The following FER variants were observed in gnomAD, a reference collection of about 807,000 sequenced individuals.
FER encodes the protein FER tyrosine kinase.
Under a neutral mutation model 111.0 loss-of-function variants are expected in FER, and 63 were observed. That is an observed-to-expected ratio of 0.57 (90% CI 0.46 to 0.70). FER has a LOEUF of 0.70. FER is among the 30% of genes least tolerant of loss of function. The pLI is 0.00. For synonymous variants in FER, 327 were observed against 313.9 expected, an observed-to-expected ratio of 1.04 and a Z score of -0.44; for missense variants, 914 against 954.0, an observed-to-expected ratio of 0.96 and a Z score of 0.55.
chr5:109,163,348 T>C (rs932411555), intron 17 of FER, among the ~76,000 whole-genome samples: 1 of 152,152 alleles, frequency 6.6e-6, no homozygotes, highest in African/African-American at 2.4e-5. Flanking sequence ...CTGCTCTGAA[T>C]AGTCATATGT....
intron 10 of FER, among the ~76,000 whole-genome samples, chr5:108,927,020 T>C (rs1247239389): frequency 6.6e-6 from 1 of 152,176 alleles, no homozygotes; most frequent in Admixed American, 6.5e-5. Context: ...AAGCTGCTTT[T>C]CTGGGTCATC....
intron 2 of FER, chr5:108,785,351 G>C: frequency 1.7e-6 from 1 of 577,966 alleles, no homozygotes; most frequent in Non-Finnish European, 3.4e-6. Context: ...CTGGCTCTGT[G>C]CTGCCATGGG....
intron 1 of FER, among the ~76,000 whole-genome samples, chr5:108,765,932 ATT>A (rs759888534): frequency 9.7e-5 from 14 of 144,562 alleles, no homozygotes; most frequent in Admixed American, 1.4e-4. Context: ...TCATGACTGA[ATT>A]TTTTTTTTTT....
intron 5 of FER, among the ~76,000 whole-genome samples, chr5:108,837,685 A>T (rs1279373014): frequency 6.6e-6 from 1 of 152,170 alleles, no homozygotes; most frequent in Non-Finnish European, 1.5e-5. Flanking sequence ...TTATTTTTTT[A>T]AAAGCAAAAT....
At chr5:109,176,302 TA>T (rs1258388637) in intron 17 of FER, among the ~76,000 whole-genome samples, 2 of 152,130 alleles carry the variant, frequency 1.3e-5, no homozygotes, top group African/African-American at 4.8e-5. Context: ...TTTACCTGTT[TA>T]AAAAGAATGA....
chr5:108,820,651 C>T (rs1328696041), intron 3 of FER: 2 of 487,304 alleles, frequency 4.1e-6, no homozygotes, highest in Admixed American at 6.4e-5. Flanking sequence ...TGGACCGTAA[C>T]TGAGCTAATG....
chr5:109,133,962 C>T (rs1045792067), intron 17 of FER, among the ~76,000 whole-genome samples: 8 of 151,910 alleles, frequency 5.3e-5, no homozygotes, highest in South Asian at 4.1e-4. Flanking sequence ...TAATTATTGA[C>T]GATAGCTGAA....
At chr5:108,856,553 C>A (rs770672780) in intron 5 of FER, among the ~76,000 whole-genome samples, 1 of 152,140 alleles carries the variant, frequency 6.6e-6, no homozygotes, top group Non-Finnish European at 1.5e-5. Flanking sequence ...ATTTTTGATA[C>A]AGTCATATCC....
chr5:108,902,939 G>A (rs1206371482), intron 10 of FER, among the ~76,000 whole-genome samples: 3 of 151,186 alleles, frequency 2.0e-5, no homozygotes, highest in Non-Finnish European at 4.4e-5. Context: ...TAAGAGACAT[G>A]TTCTTCATTC....
intron 13 of FER, among the ~76,000 whole-genome samples, chr5:108,985,393 G>C (rs1375987727): frequency 6.6e-6 from 1 of 151,946 alleles, no homozygotes; most frequent in Non-Finnish European, 1.5e-5. Flanking sequence ...TAACCTGATA[G>C]TCACTATTTG....
chr5:109,187,088 A>G (rs911978548), intron 19 of FER, among the ~76,000 whole-genome samples: 1 of 152,242 alleles, frequency 6.6e-6, no homozygotes, highest in African/African-American at 2.4e-5. Context: ...TCTTCTCTTC[A>G]TCTTGAAAAA....
intron 16 of FER, chr5:109,052,202 A>C: frequency 6.2e-7 from 1 of 1,607,926 alleles, no homozygotes; most frequent in South Asian, 1.1e-5. Context: ...ATGGGTACAG[A>C]CACAAATATG....
intron 5 of FER, among the ~76,000 whole-genome samples, chr5:108,861,034 G>C (rs1218960510): frequency 6.6e-6 from 1 of 152,102 alleles, no homozygotes; most frequent in East Asian, 1.9e-4. Context: ...CTTGATACAT[G>C]GGAATTATAG....
At chr5:108,986,701 G>A (rs866840829) in intron 13 of FER, among the ~76,000 whole-genome samples, 1 of 152,102 alleles carries the variant, frequency 6.6e-6, no homozygotes, top group Non-Finnish European at 1.5e-5. Flanking sequence ...GTTGAATAGG[G>A]TGTACTTTAC....
At chr5:109,007,610 C>A (rs745547848) in intron 13 of FER, among the ~76,000 whole-genome samples, 7 of 152,138 alleles carry the variant, frequency 4.6e-5, no homozygotes, top group Non-Finnish European at 7.4e-5. Flanking sequence ...CAGTAATTTC[C>A]TCCTTTTATT....
chr5:109,079,317 G>A (rs1776722751), intron 16 of FER, among the ~76,000 whole-genome samples: 1 of 152,088 alleles, frequency 6.6e-6, no homozygotes, highest in Admixed American at 6.6e-5. Context: ...ACTTTCACAA[G>A]GGACGATGTT....
At chr5:109,185,214 G>A (rs907258300) in intron 18 of FER, among the ~76,000 whole-genome samples, 2 of 152,106 alleles carry the variant, frequency 1.3e-5, no homozygotes, top group African/African-American at 4.8e-5. Context: ...AAAATTCTTA[G>A]AGCTTAGCTC....
At chr5:108,956,901 A>G (rs189869061) in intron 12 of FER, among the ~76,000 whole-genome samples, 1 of 151,758 alleles carries the variant, frequency 6.6e-6, no homozygotes, top group Non-Finnish European at 1.5e-5. Flanking sequence ...CAGATATTTA[A>G]TGAGTGCCTA....
chr5:108,848,404 C>A (rs1216476475), intron 5 of FER, among the ~76,000 whole-genome samples: 1 of 152,012 alleles, frequency 6.6e-6, no homozygotes, highest in Non-Finnish European at 1.5e-5. Flanking sequence ...TTTCACTTTG[C>A]CTTTATTCTA....
Sources: allele counts gnomAD v4.1 joint callset (sites outside exome capture counted in the v4.1 genomes callset), GRCh38; gene constraint gnomAD v4.1.1; transcripts MANE v1.5; gene names NCBI Gene and HGNC (gene_info 2026-07-23, HGNC 2026-07-21).